UPF1: variants seen among roughly 807,000 people sequenced by gnomAD.
UPF1 encodes UPF1 RNA helicase and ATPase, also known as regulator of nonsense transcripts 1.
UPF1 carries 9 observed loss-of-function variants against 129.2 expected under a neutral mutation model. That is an observed-to-expected ratio of 0.07 (90% confidence interval 0.04 to 0.12). UPF1 has a LOEUF of 0.12. UPF1 is among the 10% of genes least tolerant of loss of function. UPF1 has a pLI of 1.00. For missense variants in UPF1, 788 were observed against 1,525.3 expected (o/e 0.52, Z 8.05); for synonymous variants, 649 against 644.9 (o/e 1.01, Z -0.10).
At chr19:18,845,192 C>G (rs2055584433) in intron 1 of UPF1, among the ~76,000 whole-genome samples, 1 of 152,252 alleles carries the variant, frequency 6.6e-6, no homozygotes, top group African/African-American at 2.4e-5. Flanking sequence ...TTTGTGCCAC[C>G]TTGTGTTCTG....
Position 18,856,263 on chromosome 19 carries a change from G to T in UPF1, c.1787G>T (p.Arg596Leu). The change falls in exon 13 of 24, where the codon CGG (arginine) becomes CTG (leucine). Residue 596 changes from arginine to leucine, a missense_variant. Physicochemically the swap from Arg to Leu is moderately radical, Grantham distance 102. Coordinates refer to ENST00000262803, the MANE Select transcript of UPF1 (RefSeq NM_002911.4). ...TCGTCTGCCGACGAGAAGCGGTACC[G>T]GGCCTTGAAGCGCACCGCAGAGAGA... ...ELSSADEKRY[R>L]ALKRTAEREL... 2 of 1,606,404 alleles carry T rather than the reference G, an allele frequency of 1.2e-6. No individual in the cohort carries two copies. The highest frequency in any genetic ancestry group is 1.7e-6 in the Non-Finnish European group (2 of 1,173,842).
chr19:18,865,906 C>G lies in UPF1; in HGVS notation c.3237+128C>G. 6.4e-7 allele frequency: 1 copy of G among 1,573,120 alleles called. No individual in the cohort carries two copies. Among genetic ancestry groups the G allele is most frequent in the African/African-American group, 1.4e-5 (1 of 73,660 alleles). On this transcript the variant is annotated intron_variant, in intron 22 of 23. Coordinates refer to ENST00000262803, the MANE Select transcript of UPF1 (RefSeq NM_002911.4). The surrounding 1 kb of genome is among the most constrained non-coding windows in gnomAD (Gnocchi z 6.1). Reference sequence around the variant, plus strand: ...ACTGTCTGAATTACCTGTCCCTGGGCTGGGGTCATCAGAGTGGGTCTCCTG... The same window carrying G: ...ACTGTCTGAATTACCTGTCCCTGGGGTGGGGTCATCAGAGTGGGTCTCCTG...
chr19:18,835,833 G>T (rs772357903), intron 1 of UPF1, among the ~76,000 whole-genome samples: 23 of 152,328 alleles, frequency 1.5e-4, no homozygotes, highest in Middle Eastern at 3.4e-3. Flanking sequence ...GACCTGCTGG[G>T]CCGCGTAGTA....
chr19:18,866,288 G>A, intron 23 of UPF1, 122 bp downstream of exon 23: 1 of 1,385,054 alleles, frequency 7.2e-7, no homozygotes, highest in Non-Finnish European at 9.4e-7. Flanking sequence ...TGCCTGGTGG[G>A]GGTCATAGGC....
Position 18,856,228 on chromosome 19 carries a change from T to C in UPF1, c.1752T>C (p.Thr584=). The C allele has an allele frequency of 6.2e-7, 1 of 1,610,996 alleles. No individual in the cohort carries two copies. The highest frequency in any genetic ancestry group is 8.5e-7 in the Non-Finnish European group (1 of 1,177,662). ...AGCTGCAGCAGCTGAAAGACGAGAC[T>C]GGGGAGCTGTCGTCTGCCGACGAGA... The part of the protein sequence containing the change: ...LQKLQQLKDE[T]GELSSADEKR... Residue 584 remains threonine, a synonymous_variant, in exon 13 of 24, where the codon ACT becomes ACC. Transcript: ENST00000262803.
chr19:18,847,732 T>C lies in UPF1; in HGVS notation c.372-12T>C. 1.2e-6 allele frequency: 2 copies of C among 1,612,916 alleles called. No homozygotes were observed. The highest frequency in any genetic ancestry group is 1.7e-6 in the Non-Finnish European group (2 of 1,178,934). On this transcript the variant is annotated splice_polypyrimidine_tract_variant and intron_variant, in intron 2 of 23. Transcript: ENST00000262803. ...GCTTCCAGCTGTAACTGTCGCTGTT[T>C]TGATTTTTTAGTTACTGTGGAATAC...
intron 18 of UPF1, 136 bp from the exon 19 acceptor site, chr19:18,863,302 C>G: frequency 8.5e-7 from 1 of 1,178,506 alleles, no homozygotes; most frequent in African/African-American, 1.5e-5. Context: ...CTGTGGCTGG[C>G]AGCCTGCCTG....
At chr19:18,834,257 C>T (rs1236284849) in intron 1 of UPF1, among the ~76,000 whole-genome samples, 3 of 152,202 alleles carry the variant, frequency 2.0e-5, no homozygotes, top group Non-Finnish European at 4.4e-5. Context: ...CTCTGTGGAG[C>T]AGTGAGCCAT....
chr19:18,845,831 G>A (rs1030882243), intron 1 of UPF1, 149 bp from the exon 2 acceptor site: 3 of 1,281,884 alleles, frequency 2.3e-6, no homozygotes, highest in African/African-American at 1.5e-5. Flanking sequence ...AGGTTTGCTA[G>A]AGAAGAGTGA....
chr19:18,858,935 C>T lies in UPF1; in HGVS notation c.2183-1386C>T, dbSNP rs113452366. On this transcript the variant is annotated intron_variant, in intron 15 of 23. Coordinates refer to ENST00000262803, the MANE Select transcript of UPF1 (RefSeq NM_002911.4). The stretch of plus-strand genomic sequence containing the variant: ...GAGTGTAAAGGGTCCTGAAAGCTGC[C>T]GACACAGCGCCTCATGAACTCCAAA... 3.0e-3 allele frequency among the ~76,000 whole-genome samples: 457 copies of T among 152,260 alleles called. 4 individuals carry two copies. The highest frequency in any genetic ancestry group is 0.01 in the African/African-American group (432 of 41,542).
At chr19:18,838,059 T>C (rs377670189) in intron 1 of UPF1, among the ~76,000 whole-genome samples, 3 of 152,252 alleles carry the variant, frequency 2.0e-5, no homozygotes, top group Admixed American at 6.5e-5. Context: ...TTCAAAGCCA[T>C]TGTCCTGACC....
Position 18,832,522 on chromosome 19 carries a change from C to T in UPF1, c.231+82C>T, listed in dbSNP as rs987296791. 300 of 955,650 alleles carry T rather than the reference C, an allele frequency of 3.1e-4. No homozygotes were observed. The highest frequency in any genetic ancestry group is 4.9e-4 in the Admixed American group (8 of 16,364). The allele number at this position is 955,650 out of a possible 1,614,324, so 59.2% of individuals were successfully genotyped here. On this transcript the variant is annotated intron_variant, in intron 1 of 23. Transcript: ENST00000262803. This position sits in a 1 kb window ranked among gnomAD's most constrained non-coding sequence, Gnocchi z 5.6. ...GCCCCGAACTCGCCTCGGGCCCGGC[C>T]TGTGTTTGGCCGGAGTCCCCCATCG...
intron 20 of UPF1, among the ~76,000 whole-genome samples, chr19:18,864,736 T>G (rs1371300375): frequency 1.5e-5 from 2 of 136,150 alleles, no homozygotes; most frequent in Non-Finnish European, 3.2e-5. Flanking sequence ...TGCAGGTGTT[T>G]TTTTTTTTTT....
In UPF1 at chr19:18,856,755, G is replaced by A. The variant is rs1352447244; in HGVS notation, c.1825-122G>A. The A allele has an allele frequency of 2.2e-6, 3 of 1,383,934 alleles. No individual in the cohort carries two copies. In the East Asian group the frequency reaches 7.5e-5, roughly 34 times the overall value. 85.7% of individuals were successfully genotyped at this position (1,383,934 alleles called of 1,614,324 possible). On this transcript the variant is annotated intron_variant, in intron 13 of 23. Coordinates refer to ENST00000262803, the MANE Select transcript of UPF1 (RefSeq NM_002911.4). ...GTATCTTGTCTGGGAGGGACAGCTT[G>A]TTTTTTATAGTGTCAGGGAGGGTGA...
At chr19:18,842,007 ATC>A in intron 1 of UPF1, among the ~76,000 whole-genome samples, 1 of 152,064 alleles carries the variant, frequency 6.6e-6, no homozygotes, top group Non-Finnish European at 1.5e-5. Flanking sequence ...AGGCAAGAGG[ATC>A]TCTTTTAAGT....
At position 18,866,802 on chromosome 19, in the gene UPF1, G is replaced by C. The variant is rs1345538257; in HGVS notation, c.*285G>C. On this transcript the variant is annotated 3_prime_UTR_variant, in exon 24 of 24. Transcript: ENST00000262803. ...TCCCATCGGGGCTGCGGCCAGGGCG[G>C]AGGGAGGAAGACCCTCATCTCAGAG... 1 of 152,632 alleles carries C rather than the reference G, an allele frequency of 6.6e-6. No homozygotes were observed. Among genetic ancestry groups the C allele is most frequent in the Admixed American group, 6.5e-5 (1 of 15,292 alleles). The allele number at this position is 152,632 out of a possible 1,614,324, so 9.5% of individuals were successfully genotyped here.
intron 1 of UPF1, among the ~76,000 whole-genome samples, chr19:18,841,969 C>A (rs151316106): frequency 4.5e-4 from 69 of 152,276 alleles, no homozygotes; most frequent in African/African-American, 1.6e-3. Context: ...ATTGTGCACA[C>A]CTGTAGTCTC....
In UPF1 at chr19:18,855,995, C is replaced by T; in HGVS notation, c.1615C>T (p.Leu539=). Residue 539 remains leucine (L), a synonymous_variant, in exon 12 of 24, where the codon CTA becomes TTA. Transcript: ENST00000262803. ...AACGGAGAAGATCCACCAGACGGGG[C>T]TAAAGGTCGTGCGCCTCTGCGCCAA... ...QLTEKIHQTG[L]KVVRLCAKSR... 6.2e-7 allele frequency: 1 copy of T among 1,613,986 alleles called. No homozygotes were observed. The highest frequency in any genetic ancestry group is 8.5e-7 in the Non-Finnish European group (1 of 1,180,034).
Position 18,855,448 on chromosome 19 carries a change from C to T in UPF1, c.1544+206C>T, listed in dbSNP as rs1394998028. 4 of 644,292 alleles carry T rather than the reference C, an allele frequency of 6.2e-6. No individual in the cohort carries two copies. In the Admixed American group the frequency reaches 9.0e-5, roughly 15 times the overall value. The allele number at this position is 644,292 out of a possible 1,614,324, so 39.9% of individuals were successfully genotyped here. A position where few individuals can be genotyped will look rare whatever the true frequency, so the allele number is the denominator to read the frequency against. ...TGCATTTTAGTAACCAGGTCTGCTA[C>T]TGGTTTAGAAAACTGGGGGCAGGGG... On this transcript the variant is annotated intron_variant, in intron 11 of 23. Transcript: ENST00000262803.
Sources: gnomAD v4.1 joint callset for allele counts (sites outside exome capture counted in the v4.1 genomes callset) on GRCh38, gnomAD v4.1.1 for gene constraint, Gnocchi (gnomAD v3.1) non-coding constraint, MANE v1.5 for transcripts, NCBI Gene and HGNC (gene_info 2026-07-23, HGNC 2026-07-21) for gene names.